The following PRDM16 variants were observed in gnomAD, a reference collection of about 807,000 sequenced individuals.
PRDM16 encodes the protein histone-lysine N-methyltransferase PRDM16.
PRDM16 carries 23 observed loss-of-function variants against 110.6 expected under a neutral mutation model. That is an observed-to-expected ratio of 0.21 (90% CI 0.15 to 0.29). The LOEUF (loss-of-function observed/expected upper bound fraction) is 0.29. PRDM16 is among the 10% of genes least tolerant of loss of function. The probability of loss-of-function intolerance (pLI) is 1.00; values close to 1 mark genes in which losing one functional copy is unlikely to be tolerated. For missense variants in PRDM16, 1,615 were observed against 1,794.3 expected, an observed-to-expected ratio of 0.90 and a Z score of 1.81; for synonymous variants, 799 against 781.8, an observed-to-expected ratio of 1.02 and a Z score of -0.37.
rs537457704 is a variant in PRDM16, at chr1:3,113,816, G to C, written c.37+44520G>C. On this transcript the variant is annotated intron_variant, in intron 1 of 16. Transcript: ENST00000270722. ...CTGGCAGGGAGGCCCAGACTCCCTCGAAGGTGCCCCTGTGTCTGCCTCCCT... is the reference window on the plus strand; with the variant it reads ...CTGGCAGGGAGGCCCAGACTCCCTCCAAGGTGCCCCTGTGTCTGCCTCCCT... Among the ~76,000 whole-genome samples, 23 of 152,364 alleles carry C rather than the reference G, an allele frequency of 1.5e-4. No individual in the cohort carries two copies. The South Asian group carries it at 3.1e-3, about 21-fold the overall frequency.
rs551934864 is a variant in PRDM16, at chr1:3,382,650, G to A, written c.439-2502G>A. ...GGGTGAGTCCTGCCTCTTGGGAAGT[G>A]GCCTGAGCCCCATCAGCTGGTCCCT... On this transcript the variant is annotated intron_variant, in intron 3 of 16. Coordinates refer to ENST00000270722, the MANE Select transcript of PRDM16 (RefSeq NM_022114.4). This position sits in a 1 kb window ranked among gnomAD's most constrained non-coding sequence, Gnocchi z 6.6. 2.2e-4 allele frequency among the ~76,000 whole-genome samples: 34 copies of A among 152,308 alleles called. No homozygotes were observed. The highest frequency in any genetic ancestry group is 7.7e-4 in the African/African-American group (32 of 41,576).
intron 1 of PRDM16, among the ~76,000 whole-genome samples, chr1:3,112,590 T>A (rs1438356259): frequency 6.6e-6 from 1 of 152,150 alleles, no homozygotes. Flanking sequence ...AGCCTGCAGC[T>A]CCAACCCACG....
chr1:3,383,214 A>C (rs1643135265), intron 3 of PRDM16, among the ~76,000 whole-genome samples: 1 of 152,166 alleles, frequency 6.6e-6, no homozygotes, highest in South Asian at 2.1e-4. Flanking sequence ...CTTTGAGTGA[A>C]TCTCCCACTG....
intron 1 of PRDM16, among the ~76,000 whole-genome samples, chr1:3,127,409 C>T (rs1643232500): frequency 6.6e-6 from 1 of 152,236 alleles, no homozygotes; most frequent in African/African-American, 2.4e-5. Context: ...ATCCCCCACC[C>T]CTTCACATTG....
chr1:3,350,471 T>C lies in PRDM16; in HGVS notation c.439-34681T>C, dbSNP rs1642460495. Among the ~76,000 whole-genome samples the C allele has an allele frequency of 6.6e-6, 1 of 152,176 alleles. No individual in the cohort carries two copies. The highest frequency in any genetic ancestry group is 2.1e-4 in the South Asian group (1 of 4,822). ...CTGGGGCTGCAGTCAGGGTCAGGTT[T>C]GGTGACACTTGGATCCAGACATAAT... On this transcript the variant is annotated intron_variant, in intron 3 of 16. Transcript: ENST00000270722. This position sits in a 1 kb window ranked among gnomAD's most constrained non-coding sequence, Gnocchi z 7.1.
chr1:3,430,098 C>T (rs968466593), intron 14 of PRDM16, among the ~76,000 whole-genome samples: 3 of 152,192 alleles, frequency 2.0e-5, no homozygotes, highest in Non-Finnish European at 2.9e-5. Flanking sequence ...TGCCCGGGGG[C>T]CCTCAGCTCC....
At chr1:3,322,214 T>A (rs1249402395) in intron 3 of PRDM16, among the ~76,000 whole-genome samples, 1 of 151,540 alleles carries the variant, frequency 6.6e-6, no homozygotes, top group East Asian at 1.9e-4. Flanking sequence ...CGTGTGTGTG[T>A]GAGCATGTGC....
chr1:3,069,365 A>G lies in PRDM16; in HGVS notation c.37+69A>G. On this transcript the variant is annotated intron_variant, in intron 1 of 16. Transcript: ENST00000270722. This position sits in a 1 kb window ranked among gnomAD's most constrained non-coding sequence, Gnocchi z 6.1. ...GCCGCCGGGCCGGGGCGCCCGGGCC[A>G]GGGGTGCGCGTCGGGGCGCGGCCGG... is the stretch of plus-strand genomic sequence containing the variant. The G allele has an allele frequency of 1.4e-6, 1 of 731,486 alleles. No individual in the cohort carries two copies. The highest frequency in any genetic ancestry group is 2.0e-5 in the African/African-American group (1 of 49,946). 45.3% of individuals were successfully genotyped at this position (731,486 alleles called of 1,614,324 possible). A position where few individuals can be genotyped will look rare whatever the true frequency, so the allele number is the denominator to read the frequency against.
At chr1:3,321,237 C>T (rs2500272) in intron 3 of PRDM16, among the ~76,000 whole-genome samples, 50,570 of 148,450 alleles carry the variant, frequency 0.34, 9,703 homozygotes, top group South Asian at 0.53. Context: ...TGTGCACACA[C>T]GCGTGGGGGT....
intron 1 of PRDM16, among the ~76,000 whole-genome samples, chr1:3,108,230 C>A (rs759794127): frequency 1.3e-5 from 2 of 152,232 alleles, no homozygotes; most frequent in Admixed American, 6.5e-5. Context: ...AAACCCTTCC[C>A]TATTCCCAAT....
intron 3 of PRDM16, among the ~76,000 whole-genome samples, chr1:3,279,609 G>A (rs1640666601): frequency 6.6e-6 from 1 of 152,168 alleles, no homozygotes; most frequent in Non-Finnish European, 1.5e-5. Flanking sequence ...GGAAGGTGCC[G>A]GCCCCTCTCC....
rs773103874 is a variant in PRDM16 at position 3,402,801 on chromosome 1, G to T, written c.687G>T (p.Thr229=). The T allele has an allele frequency of 7.4e-6, 12 of 1,611,382 alleles. No individual in the cohort carries two copies. The highest frequency in any genetic ancestry group is 1.7e-6 in the Non-Finnish European group (2 of 1,178,670). The change falls in exon 6 of 17, where the codon ACG becomes ACT. Residue 229 remains threonine, a synonymous_variant. Transcript: ENST00000270722. ...TTCTCTCTCTTGCAGAGGAGCCCAC[G>T]TTCCGCTGTGACGAGTGTGACGAAC... ...TVPPGLDEEP[T]FRCDECDELF...
intron 8 of PRDM16, among the ~76,000 whole-genome samples, chr1:3,408,348 A>G (rs917796273): frequency 3.9e-5 from 6 of 152,142 alleles, no homozygotes; most frequent in African/African-American, 1.4e-4. Flanking sequence ...GCATGGGTGT[A>G]AGAGAAGGGG....
intron 2 of PRDM16, among the ~76,000 whole-genome samples, chr1:3,217,713 G>A (rs1043007456): frequency 2.0e-5 from 3 of 152,202 alleles, no homozygotes; most frequent in Non-Finnish European, 2.9e-5. Context: ...CGTGCATCCC[G>A]GTAGATCTTT....
At chr1:3,341,065 C>G (rs576443606) in intron 3 of PRDM16, among the ~76,000 whole-genome samples, 2 of 146,856 alleles carry the variant, frequency 1.4e-5, no homozygotes, top group Admixed American at 1.3e-4. Context: ...GTTGCTGCCC[C>G]CTGAGCCCTC....
chr1:3,073,798 G>A (rs1194517899), intron 1 of PRDM16, among the ~76,000 whole-genome samples: 1 of 152,176 alleles, frequency 6.6e-6, no homozygotes, highest in Non-Finnish European at 1.5e-5. Flanking sequence ...CCCTGGCCCA[G>A]CGGGAGCGGC....
At chr1:3,351,733 C>A (rs1642497854) in intron 3 of PRDM16, among the ~76,000 whole-genome samples, 1 of 94,456 alleles carries the variant, frequency 1.1e-5, no homozygotes, top group African/African-American at 4.1e-5. Flanking sequence ...CCCTCTGTCT[C>A]TCCTCTCCCT....
chr1:3,111,920 TC>T (rs1485866529), intron 1 of PRDM16, among the ~76,000 whole-genome samples: 1 of 152,130 alleles, frequency 6.6e-6, no homozygotes, highest in Non-Finnish European at 1.5e-5. Flanking sequence ...AATCATGTAC[TC>T]GAAATTAACT....
intron 3 of PRDM16, among the ~76,000 whole-genome samples, chr1:3,286,268 C>T (rs1463556965): frequency 6.6e-6 from 1 of 152,194 alleles, no homozygotes; most frequent in Non-Finnish European, 1.5e-5. Flanking sequence ...ATGGGAAGCA[C>T]GTGTTGATAA....
Sources: allele counts gnomAD v4.1 joint callset (sites outside exome capture counted in the v4.1 genomes callset), GRCh38; gene constraint gnomAD v4.1.1; non-coding constraint Gnocchi (gnomAD v3.1); transcripts MANE v1.5; gene names NCBI Gene and HGNC (gene_info 2026-07-23, HGNC 2026-07-21).